ANKRD50: variants seen among roughly 807,000 people sequenced by gnomAD.
The protein encoded by ANKRD50 is ankyrin repeat domain-containing protein 50.
A neutral mutation model predicts 112.0 loss-of-function variants in ANKRD50; 40 were observed. The observed-to-expected ratio is 0.36, with a 90% CI of 0.28 to 0.46. The LOEUF (loss-of-function observed/expected upper bound fraction) is 0.46, where lower values mean the gene tolerates loss of function less well. Among genes scored for constraint, ANKRD50 ranks in the 20% least tolerant of loss-of-function variants. The pLI, the probability that ANKRD50 is intolerant of heterozygous loss-of-function variation, is 1.00. For missense variants in ANKRD50, 1,487 were observed against 1,701.7 expected (o/e 0.87, Z 2.22); for synonymous variants, 613 against 619.1 (o/e 0.99, Z 0.15).
At chr4:124,687,838 G>A (rs1725043269) in intron 2 of ANKRD50, among the ~76,000 whole-genome samples, 1 of 152,148 alleles carries the variant, frequency 6.6e-6, no homozygotes, top group Non-Finnish European at 1.5e-5. Flanking sequence ...TTAGAATTGT[G>A]CAAATAAGTA....
In ANKRD50 at chr4:124,697,387, A is replaced by G. The variant is rs79123676; in HGVS notation, c.512+12613T>C. Among the ~76,000 whole-genome samples, 27 of 152,324 alleles carry G rather than the reference A, an allele frequency of 1.8e-4. No homozygotes were observed. In the East Asian group the frequency reaches 5.2e-3, roughly 29 times the overall value. On this transcript the variant is annotated intron_variant, in intron 2 of 4. Transcript: ENST00000504087. ...TGCCAAAACTCATGTTGGAAGCTTA[A>G]TTCTCAGTATAGCAATGTTGGGAGG...
At chr4:124,684,619 C>T (rs1241589262) in intron 2 of ANKRD50, among the ~76,000 whole-genome samples, 2 of 152,160 alleles carry the variant, frequency 1.3e-5, no homozygotes, top group Non-Finnish European at 2.9e-5. Context: ...TATTCATCAG[C>T]ATATGCACTT....
At chr4:124,698,710 C>T (rs776051719) in intron 2 of ANKRD50, among the ~76,000 whole-genome samples, 4 of 152,042 alleles carry the variant, frequency 2.6e-5, no homozygotes, top group Non-Finnish European at 4.4e-5. Flanking sequence ...AGGGGCTACA[C>T]GATGTGAGGT....
At position 124,710,074 on chromosome 4, in the gene ANKRD50, C is replaced by T; in HGVS notation, c.438G>A (p.Lys146=). 1 of 1,614,178 alleles carries T rather than the reference C, an allele frequency of 6.2e-7. No homozygotes were observed. The highest frequency in any genetic ancestry group is 8.5e-7 in the Non-Finnish European group (1 of 1,180,044). Residue 146 remains lysine, a synonymous_variant, in exon 2 of 5, where the codon AAG becomes AAA. Coordinates refer to ENST00000504087, the MANE Select transcript of ANKRD50 (RefSeq NM_020337.3). ...RSGLLQGYED[K]LRDPAVQSLL... is the part of the protein sequence containing the mutation. ...GGCTTTGGACTGCTGGATCCCTTAG[C>T]TTGTCCTCATATCCTTGGAGTAGTC...
At chr4:124,676,714 T>C (rs1012500195) in intron 3 of ANKRD50, among the ~76,000 whole-genome samples, 1 of 151,646 alleles carries the variant, frequency 6.6e-6, no homozygotes, top group African/African-American at 2.4e-5. Flanking sequence ...GGACAATACA[T>C]TAGAGGTTAC....
At position 124,669,541 on chromosome 4, in the gene ANKRD50, G is replaced by A; in HGVS notation, c.3736C>T (p.His1246Tyr). ...SSTTQSLGQS[H>Y]NSPSSEFEWS... ...TCAAATTCACTACTTGGTGAATTAT[G>A]ACTCTGTCCTAAGGACTGTGTTGTG... The change falls in exon 4 of 5, where the codon CAT (histidine) becomes TAT (tyrosine). Residue 1246 changes from histidine (H) to tyrosine (Y), a missense_variant. By Grantham distance (83) the His-to-Tyr change is moderately conservative. Coordinates refer to ENST00000504087, the MANE Select transcript of ANKRD50 (RefSeq NM_020337.3). 1 of 1,612,890 alleles carries A rather than the reference G, an allele frequency of 6.2e-7. No homozygotes were observed. Among genetic ancestry groups the A allele is most frequent in the East Asian group, 2.2e-5 (1 of 44,850 alleles).
At position 124,710,280 on chromosome 4, in the gene ANKRD50, C is replaced by G; in HGVS notation, c.232G>C (p.Gly78Arg). The G allele has an allele frequency of 6.2e-7, 1 of 1,614,218 alleles. No homozygotes were observed. ...GAAWGVLLVGGPGSGKTALCT... is the reference protein window; with the variant it reads ...GAAWGVLLVGRPGSGKTALCT... ...AGGGCCGTCTTGCCACTGCCAGGCC[C>G]TCCTACCAACAACACACCCCAGGCA... The change falls in exon 2 of 5, where the codon GGG becomes CGG. Residue 78 changes from glycine (G) to arginine (R), a missense_variant. Gly to Arg is a moderately radical substitution (Grantham distance 125). Around this residue, in one of 2 missense-constraint regions of ANKRD50, gnomAD observed 1,046 missense variants for 1,269.5 expected, o/e 0.82. Coordinates refer to ENST00000504087, the MANE Select transcript of ANKRD50 (RefSeq NM_020337.3).
Position 124,678,774 on chromosome 4 carries a change from G to A in ANKRD50, c.644C>T (p.Ala215Val). 1.2e-6 allele frequency: 2 copies of A among 1,613,866 alleles called. No homozygotes were observed. The highest frequency in any genetic ancestry group is 1.7e-6 in the Non-Finnish European group (2 of 1,179,832). Residue 215 changes from alanine (A) to valine (V), a missense_variant, in exon 3 of 5, where the codon GCA (alanine) becomes GTA (valine). Physicochemically the swap from Ala to Val is moderately conservative, Grantham distance 64. Around this residue, in one of 2 missense-constraint regions of ANKRD50, gnomAD observed 1,046 missense variants for 1,269.5 expected, o/e 0.82. Transcript: ENST00000504087. The part of the protein sequence containing the change: ...QTSTSLSGTV[A>V]ALLAGHHEFF... ...CTCATGGTGACCAGCTAAAAGTGCT[G>A]CAACAGTCCCAGATAAGCTGGTAGA... is the stretch of plus-strand genomic sequence containing the variant.
At chr4:124,684,553 A>G (rs1425073998) in intron 2 of ANKRD50, among the ~76,000 whole-genome samples, 1 of 152,144 alleles carries the variant, frequency 6.6e-6, no homozygotes, top group Non-Finnish European at 1.5e-5. Flanking sequence ...GGAAACTGCT[A>G]CCATAAGTCT....
rs1196407366 is a variant in ANKRD50, at chr4:124,669,467, C to T, written c.3810G>A (p.Gly1270=). The T allele has an allele frequency of 2.2e-5, 36 of 1,612,280 alleles. No individual in the cohort carries two copies. The highest frequency in any genetic ancestry group is 3.1e-5 in the Non-Finnish European group (36 of 1,179,560). Residue 1270 remains glycine, a synonymous_variant, in exon 4 of 5, where the codon GGG becomes GGA. Transcript: ENST00000504087. ...ACTTGGCAGAATTTTCTGATTTCCC[C>T]CCTTTACTTGCTTTAGTTGACTTCA... ...PSLKSTKASK[G]GKSENSAKSG...
chr4:124,681,521 T>A (rs1724886754), intron 2 of ANKRD50, among the ~76,000 whole-genome samples: 1 of 152,124 alleles, frequency 6.6e-6, no homozygotes, highest in South Asian at 2.1e-4. Flanking sequence ...CACATCATAG[T>A]GGGGGTCAAC....
chr4:124,694,095 A>T (rs1261363085), intron 2 of ANKRD50, among the ~76,000 whole-genome samples: 1 of 152,214 alleles, frequency 6.6e-6, no homozygotes, highest in African/African-American at 2.4e-5. Flanking sequence ...AATAAAGTAA[A>T]GCAAGTGGAA....
rs185347020 is a variant in ANKRD50, at chr4:124,694,020, T to C, written c.513-15115A>G. On this transcript the variant is annotated intron_variant, in intron 2 of 4. Coordinates refer to ENST00000504087, the MANE Select transcript of ANKRD50 (RefSeq NM_020337.3). ...ATGCACTAACAATTCTTACCCAATA[T>C]ATCTTGTCTTATTTTGGGAAAACAA... Among the ~76,000 whole-genome samples, 63 of 152,326 alleles carry C rather than the reference T, an allele frequency of 4.1e-4. 2 individuals carry two copies. Among genetic ancestry groups the C allele is most frequent in the Admixed American group, 3.0e-3 (46 of 15,296 alleles).
At chr4:124,692,281 G>T (rs901278737) in intron 2 of ANKRD50, among the ~76,000 whole-genome samples, 14 of 152,106 alleles carry the variant, frequency 9.2e-5, no homozygotes, top group African/African-American at 3.1e-4. Context: ...AGTGGATAAT[G>T]AACTAAAACT....
chr4:124,681,098 G>C (rs1724875601), intron 2 of ANKRD50, among the ~76,000 whole-genome samples: 2 of 151,812 alleles, frequency 1.3e-5, no homozygotes, highest in South Asian at 4.2e-4. Flanking sequence ...TCTGATATAG[G>C]GTAAGTCTAG....
At position 124,671,735 on chromosome 4, in the gene ANKRD50, T is replaced by C. The variant is rs1352103007; in HGVS notation, c.1542A>G (p.Thr514=). 1.2e-6 allele frequency: 2 copies of C among 1,613,780 alleles called. No individual in the cohort carries two copies. Among genetic ancestry groups the C allele is most frequent in the African/African-American group, 1.3e-5 (1 of 74,906 alleles). Residue 514 remains threonine (T), a synonymous_variant, in exon 4 of 5, where the codon ACA becomes ACG. Transcript: ENST00000504087. ...CTAAGGCTTGTCGAACTATGCATGA[T>C]GTGCGATCGTCTTCACTGTTGACAT... ...GAHVNSEDDR[T]SCIVRQALER...
At chr4:124,685,223 T>G (rs1044197425) in intron 2 of ANKRD50, among the ~76,000 whole-genome samples, 2 of 152,210 alleles carry the variant, frequency 1.3e-5, no homozygotes, top group Non-Finnish European at 1.5e-5. Flanking sequence ...GCCTATCTTG[T>G]GCACTGTTAA....
In ANKRD50 at chr4:124,670,681, G is replaced by A. The variant is rs1400856856; in HGVS notation, c.2596C>T (p.Leu866Phe). The stretch of plus-strand genomic sequence containing the variant: ...TTTGTTCTAGCACCTTGTTCAATAA[G>A]TGCTTCACATATCAATCTGTGCCCT... ...FEGHRLICEA[L>F]IEQGARTNEI... Residue 866 changes from leucine to phenylalanine, a missense_variant, in exon 4 of 5, where the codon CTT (leucine) becomes TTT (phenylalanine). By Grantham distance (22) the Leu-to-Phe change is conservative. Coordinates refer to ENST00000504087, the MANE Select transcript of ANKRD50 (RefSeq NM_020337.3). 1.2e-6 allele frequency: 2 copies of A among 1,613,236 alleles called. No individual in the cohort carries two copies. The highest frequency in any genetic ancestry group is 1.1e-5 in the South Asian group (1 of 90,906).
Position 124,669,998 on chromosome 4 carries a change from T to C in ANKRD50, c.3279A>G (p.Ile1093Met), listed in dbSNP as rs1730596539. ...CACCATATTTTTCTAATAATTTAATTATCTGAGAATGTCCATTTTTGGCTG... is the reference window on the plus strand; with the variant it reads ...CACCATATTTTTCTAATAATTTAATCATCTGAGAATGTCCATTTTTGGCTG... ...RVAAKNGHSQ[I>M]IKLLEKYGAS... The change falls in exon 4 of 5, where the codon ATA becomes ATG. Residue 1093 changes from isoleucine to methionine, a missense_variant. Transcript: ENST00000504087. 1 of 1,608,340 alleles carries C rather than the reference T, an allele frequency of 6.2e-7. No homozygotes were observed. Among genetic ancestry groups the C allele is most frequent in the Non-Finnish European group, 8.5e-7 (1 of 1,178,744 alleles).
Sources: allele counts gnomAD v4.1 joint callset (sites outside exome capture counted in the v4.1 genomes callset), GRCh38; gene constraint gnomAD v4.1.1; regional missense constraint gnomAD v4.1.1; transcripts MANE v1.5; gene names NCBI Gene and HGNC (gene_info 2026-07-23, HGNC 2026-07-21).